Variants in PDZD8 observed in about 807,000 individuals in gnomAD.
The protein encoded by PDZD8 is PDZ domain-containing protein 8.
A neutral mutation model predicts 85.8 loss-of-function variants in PDZD8; 14 were observed. That is an observed-to-expected ratio of 0.16 (90% confidence interval 0.11 to 0.26). The LOEUF is 0.26. Among genes scored for constraint, PDZD8 ranks in the 10% least tolerant of loss-of-function variants. The pLI, the probability that PDZD8 is intolerant of heterozygous loss-of-function variation, is 1.00. For missense variants in PDZD8, 1,197 were observed against 1,424.3 expected (o/e 0.84, Z 2.57); for synonymous variants, 592 against 568.6 (o/e 1.04, Z -0.59).
intron 3 of PDZD8, among the ~76,000 whole-genome samples, chr10:117,312,134 G>C (rs577439464): frequency 6.6e-6 from 1 of 152,210 alleles, no homozygotes; most frequent in Admixed American, 6.5e-5. Flanking sequence ...GGGCAAACAA[G>C]CTAAGGTCTA....
In PDZD8 at chr10:117,374,962, G is replaced by C. The variant is rs748959183; in HGVS notation, c.266C>G (p.Pro89Arg). The C allele has an allele frequency of 4.4e-6, 7 of 1,608,962 alleles. No homozygotes were observed. In the Admixed American group the frequency reaches 1.0e-4, roughly 23 times the overall value. The change falls in exon 1 of 5, where the codon CCG becomes CGG. Residue 89 changes from proline (P) to arginine (R), a missense_variant. Around this residue, in one of 4 missense-constraint regions of PDZD8, gnomAD observed 172 missense variants for 137.8 expected, o/e 1.25. Coordinates refer to ENST00000334464, the MANE Select transcript of PDZD8 (RefSeq NM_173791.5). The surrounding 1 kb of genome is among the most constrained non-coding windows in gnomAD (Gnocchi z 7.8). Reference sequence around the variant, plus strand: ...GAAGTAGCAAGTCTCCCGCGTCGGCGGGGCGGGGGTCTCGGGGGCCGCGGT... The same window carrying C: ...GAAGTAGCAAGTCTCCCGCGTCGGCCGGGCGGGGGTCTCGGGGGCCGCGGT... ...TPTAAPETPA[P>R]PTRETCYFLN...
At chr10:117,304,395 A>C (rs1375568499) in intron 3 of PDZD8, among the ~76,000 whole-genome samples, 3 of 152,114 alleles carry the variant, frequency 2.0e-5, no homozygotes, top group African/African-American at 7.2e-5. Context: ...TTTTGATTTT[A>C]CAGGCTCATA....
intron 2 of PDZD8, among the ~76,000 whole-genome samples, chr10:117,321,760 A>G (rs1006830897): frequency 2.0e-5 from 3 of 152,172 alleles, no homozygotes; most frequent in Admixed American, 2.0e-4. Context: ...AAAAAGATGT[A>G]ATAATAAATG....
Position 117,326,144 on chromosome 10 carries a change from T to C in PDZD8, c.996-7170A>G, listed in dbSNP as rs138014760. On this transcript the variant is annotated intron_variant, in intron 2 of 4. Transcript: ENST00000334464. ...CAATTAAACCTCTTTTCTTTATAAA[T>C]TACCCAGTCTTGGATATTTCTTTAT... is the stretch of plus-strand genomic sequence containing the variant. Among the ~76,000 whole-genome samples the C allele has an allele frequency of 7.8e-3, 1,191 of 152,288 alleles. 21 individuals carry two copies. The highest frequency in any genetic ancestry group is 0.027 in the African/African-American group (1,141 of 41,556).
intron 3 of PDZD8, among the ~76,000 whole-genome samples, chr10:117,306,029 G>A (rs1019977410): frequency 6.6e-6 from 1 of 152,088 alleles, no homozygotes; most frequent in Non-Finnish European, 1.5e-5. Flanking sequence ...AACATCTGGC[G>A]CAATCTAGGT....
intron 1 of PDZD8, among the ~76,000 whole-genome samples, chr10:117,349,491 A>G (rs561913658): frequency 1.3e-5 from 2 of 152,330 alleles, no homozygotes; most frequent in Middle Eastern, 3.4e-3. Context: ...TATGAACAGA[A>G]CATGTTATCA....
chr10:117,344,588 CGT>C (rs1471428376), intron 1 of PDZD8, among the ~76,000 whole-genome samples: 2 of 152,210 alleles, frequency 1.3e-5, no homozygotes, highest in South Asian at 4.1e-4. Context: ...GGGGTTTCAC[CGT>C]GTTAGCCAGG....
At chr10:117,350,454 C>T (rs181328707) in intron 1 of PDZD8, among the ~76,000 whole-genome samples, 6 of 150,674 alleles carry the variant, frequency 4.0e-5, no homozygotes, top group South Asian at 2.1e-4. Context: ...TTAGTAGAGA[C>T]GAGGTTTCAC....
At chr10:117,286,912 G>A (rs997643732) in intron 4 of PDZD8, among the ~76,000 whole-genome samples, 1 of 152,144 alleles carries the variant, frequency 6.6e-6, no homozygotes, top group African/African-American at 2.4e-5. Flanking sequence ...GTTCAGGGCT[G>A]CTTAGCATTC....
chr10:117,339,052 TA>T (rs758827467), intron 2 of PDZD8, among the ~76,000 whole-genome samples: 12 of 145,412 alleles, frequency 8.3e-5, no homozygotes, highest in African/African-American at 2.3e-4. Context: ...TTTTTTGATT[TA>T]AAAAAAAAGG....
chr10:117,350,635 G>A (rs1157018093), intron 1 of PDZD8, among the ~76,000 whole-genome samples: 6 of 151,398 alleles, frequency 4.0e-5, no homozygotes, highest in Middle Eastern at 3.4e-3. Context: ...CGGGCGCGGT[G>A]GCTCACGCCT....
chr10:117,356,231 T>G (rs1369415628), intron 1 of PDZD8, among the ~76,000 whole-genome samples: 1 of 152,076 alleles, frequency 6.6e-6, no homozygotes, highest in Non-Finnish European at 1.5e-5. Context: ...TAAAATTGCC[T>G]AATATTTAAC....
At chr10:117,353,077 G>A (rs1157362732) in intron 1 of PDZD8, among the ~76,000 whole-genome samples, 1 of 152,108 alleles carries the variant, frequency 6.6e-6, no homozygotes. Flanking sequence ...TTATAAAGCT[G>A]TATAATTTCT....
intron 1 of PDZD8, among the ~76,000 whole-genome samples, chr10:117,353,019 A>G (rs1844833681): frequency 6.6e-6 from 1 of 152,180 alleles, no homozygotes; most frequent in South Asian, 2.1e-4. Context: ...GGTTGTAATA[A>G]GTCCTAATAC....
At chr10:117,345,449 G>A (rs1216079894) in intron 1 of PDZD8, among the ~76,000 whole-genome samples, 1 of 152,172 alleles carries the variant, frequency 6.6e-6, no homozygotes, top group African/African-American at 2.4e-5. Context: ...GCCCCTGGGT[G>A]CTGTTAAAAG....
rs145528032 is a variant in PDZD8 at position 117,353,447 on chromosome 10, T to A, written c.873-12345A>T. The stretch of plus-strand genomic sequence containing the variant: ...TAAACAAGTCCACGTGATTAAAAGA[T>A]CAACGAATCTCTCTCTGTTCTAATA... On this transcript the variant is annotated intron_variant, in intron 1 of 4. Transcript: ENST00000334464. Among the ~76,000 whole-genome samples, 188 of 152,284 alleles carry A rather than the reference T, an allele frequency of 1.2e-3. 1 individual carries two copies. Among genetic ancestry groups the A allele is most frequent in the African/African-American group, 4.2e-3 (175 of 41,546 alleles).
At position 117,277,756 on chromosome 10, in the gene PDZD8, C is replaced by T. The variant is rs1201089652; in HGVS notation, c.*5512G>A. 1 of 152,256 alleles carries T rather than the reference C, an allele frequency of 6.6e-6. No homozygotes were observed. Among genetic ancestry groups the T allele is most frequent in the Non-Finnish European group, 1.5e-5 (1 of 68,112 alleles). 9.4% of individuals were successfully genotyped at this position (152,256 alleles called of 1,614,324 possible). ...TATAGTGACACTGAATGTTATTTAA[C>T]TTGTAGTTACTATCAATATATTTAT... On this transcript the variant is annotated 3_prime_UTR_variant, in exon 5 of 5. Transcript: ENST00000334464.
At chr10:117,332,453 CATAAT>C (rs902409528) in intron 2 of PDZD8, among the ~76,000 whole-genome samples, 1 of 150,324 alleles carries the variant, frequency 6.7e-6, no homozygotes, top group African/African-American at 2.4e-5. Context: ...ACACTTCTAA[CATAAT>C]ATAAAAGTTT....
chr10:117,291,244 G>A (rs1844757237), intron 3 of PDZD8, among the ~76,000 whole-genome samples: 1 of 106,440 alleles, frequency 9.4e-6, no homozygotes, highest in East Asian at 3.0e-4. Flanking sequence ...TTTATTAAGA[G>A]TTATCGGCCG....
Sources: gnomAD v4.1 joint callset for allele counts (sites outside exome capture counted in the v4.1 genomes callset) on GRCh38, gnomAD v4.1.1 for gene constraint, gnomAD v4.1.1 regional missense constraint, Gnocchi (gnomAD v3.1) non-coding constraint, MANE v1.5 for transcripts, NCBI Gene and HGNC (gene_info 2026-07-23, HGNC 2026-07-21) for gene names.